Variants in STOX1 observed in about 807,000 individuals in gnomAD.
STOX1 encodes the protein storkhead-box protein 1.
A neutral mutation model predicts 74.8 loss-of-function variants in STOX1; 57 were observed. The observed-to-expected ratio is 0.76, with a 90% CI of 0.62 to 0.95. The LOEUF is 0.95. STOX1 is among the 40% of genes least tolerant of loss of function. STOX1 has a pLI of 0.00. For synonymous variants in STOX1, 375 were observed against 401.3 expected, an observed-to-expected ratio of 0.93 and a Z score of 0.78; for missense variants, 1,010 against 1,117.0, an observed-to-expected ratio of 0.90 and a Z score of 1.37.
chr10:68,894,383 A>G (rs1025991212), downstream of STOX1, among the ~76,000 whole-genome samples: 3 of 152,216 alleles, frequency 2.0e-5, no homozygotes, highest in African/African-American at 4.8e-5. Flanking sequence ...GACTCTCACC[A>G]TACTGACAAC....
chr10:68,894,758 C>T (rs543003549), downstream of STOX1, among the ~76,000 whole-genome samples: 5 of 152,274 alleles, frequency 3.3e-5, no homozygotes, highest in South Asian at 1.0e-3. Flanking sequence ...GAGACGGGGT[C>T]TCTGTCACTC....
rs1840949842 is a variant in STOX1, at chr10:68,886,199, A to C, written c.2403A>C (p.Lys801Asn). Residue 801 changes from lysine (K) to asparagine (N), a missense_variant, in exon 3 of 4, where the codon AAA becomes AAC. Physicochemically the swap from Lys to Asn is moderately conservative, Grantham distance 94. Transcript: ENST00000298596. ...TGCTTAAAAGAAATGAATGCTACAAACCCACTGGGCTGCATGCTACCCCAG... is the reference window on the plus strand; with the variant it reads ...TGCTTAAAAGAAATGAATGCTACAACCCCACTGGGCTGCATGCTACCCCAG... ...SQVLKRNECY[K>N]PTGLHATPGE... 1.2e-6 allele frequency: 2 copies of C among 1,614,164 alleles called. No homozygotes were observed. The highest frequency in any genetic ancestry group is 1.3e-5 in the African/African-American group (1 of 75,042).
downstream of STOX1, among the ~76,000 whole-genome samples, chr10:68,893,664 G>A (rs1312269400): frequency 5.3e-5 from 8 of 152,154 alleles, no homozygotes; most frequent in African/African-American, 1.9e-4. Context: ...TGATCCACCC[G>A]CCTCGGCCTC....
In STOX1 at chr10:68,847,512, C is replaced by T. The variant is rs771261925; in HGVS notation, c.310+19579C>T. ...GCAACCTCCGCCTCCCAGGTTCAAG[C>T]GTTTCTCCTACCTCAGGCTCTCAAG... is the stretch of plus-strand genomic sequence containing the variant. On this transcript the variant is annotated intron_variant, in intron 1 of 3. Coordinates refer to ENST00000298596, the MANE Select transcript of STOX1 (RefSeq NM_152709.5). Among the ~76,000 whole-genome samples, 123 of 150,114 alleles carry T rather than the reference C, an allele frequency of 8.2e-4. No individual in the cohort carries two copies. The Middle Eastern group carries it at 0.011, about 13-fold the overall frequency.
rs567926249 is a variant in STOX1, at chr10:68,829,385, C to T, written c.310+1452C>T. On this transcript the variant is annotated intron_variant, in intron 1 of 3. Transcript: ENST00000298596. Reference sequence around the variant, plus strand: ...ACAAAAATTAGCCGGGGCGTGGTGGCAGGTTCCTGTAATCCCAGATACTTG... The same window carrying T: ...ACAAAAATTAGCCGGGGCGTGGTGGTAGGTTCCTGTAATCCCAGATACTTG... 2.6e-5 allele frequency among the ~76,000 whole-genome samples: 4 copies of T among 152,184 alleles called. No homozygotes were observed. In the East Asian group the frequency reaches 5.8e-4, roughly 22 times the overall value.
At position 68,886,481 on chromosome 10, in the gene STOX1, AC is replaced by A; in HGVS notation, c.2686del (p.His896IlefsTer42). ...QSPQNQEMRKHFPQKFQLFNT... is the reference protein window; with the variant it reads ...QSPQNQEMRKXFPQKFQLFNT... ...GTCCTCAGAATCAGGAAATGAGAAAACATTTCCCACAAAAGTTCCAACTTTT... is the reference window on the plus strand; with the variant it reads ...GTCCTCAGAATCAGGAAATGAGAAAAATTTCCCACAAAAGTTCCAACTTTT... On this transcript the variant is annotated frameshift_variant, in exon 3 of 4. Transcript: ENST00000298596. LOFTEE classifies it high-confidence loss of function. The A allele has an allele frequency of 6.2e-7, 1 of 1,613,966 alleles. No homozygotes were observed. The highest frequency in any genetic ancestry group is 8.5e-7 in the Non-Finnish European group (1 of 1,179,950).
chr10:68,854,437 C>T (rs1306551646), intron 1 of STOX1, among the ~76,000 whole-genome samples: 1 of 152,018 alleles, frequency 6.6e-6, no homozygotes, highest in Non-Finnish European at 1.5e-5. Context: ...GCTGGGACTA[C>T]AGGTGCATGC....
chr10:68,850,261 G>A (rs1839951027), intron 1 of STOX1, among the ~76,000 whole-genome samples: 1 of 152,174 alleles, frequency 6.6e-6, no homozygotes, highest in Non-Finnish European at 1.5e-5. Context: ...GCCTGCCTCG[G>A]CCTCCCAAAG....
chr10:68,876,093 G>A (rs934380798), intron 1 of STOX1, among the ~76,000 whole-genome samples: 3 of 147,294 alleles, frequency 2.0e-5, no homozygotes, highest in Non-Finnish European at 4.5e-5. Flanking sequence ...GGTGAGGAGT[G>A]GGGGTTGCTT....
chr10:68,890,386 C>T (rs1460698862), intron 3 of STOX1, among the ~76,000 whole-genome samples: 2 of 152,008 alleles, frequency 1.3e-5, no homozygotes, highest in Admixed American at 1.3e-4. Context: ...TGGTCTCAAA[C>T]TCCTGGGCTC....
chr10:68,895,431 A>G (rs1841173400), downstream of STOX1: 1 of 152,196 alleles, frequency 6.6e-6, no homozygotes, highest in African/African-American at 2.4e-5. Flanking sequence ...TGTGCGATTA[A>G]ATTGTTTGGG....
intron 1 of STOX1, among the ~76,000 whole-genome samples, chr10:68,874,660 CAAAAAAAAA>C (rs545162403): frequency 0.23 from 29,769 of 126,682 alleles, 3,549 homozygotes; most frequent in East Asian, 0.53. Context: ...GACTCCGTCT[CAAAAAAAAA>C]AAAAAAAAAA....
chr10:68,843,660 C>T (rs554879348), intron 1 of STOX1, among the ~76,000 whole-genome samples: 2 of 152,156 alleles, frequency 1.3e-5, no homozygotes, highest in Non-Finnish European at 2.9e-5. Context: ...CGGGTTCAAG[C>T]GATTTTCCTA....
chr10:68,856,605 T>G (rs1840132425), intron 1 of STOX1, among the ~76,000 whole-genome samples: 1 of 152,032 alleles, frequency 6.6e-6, no homozygotes, highest in Non-Finnish European at 1.5e-5. Flanking sequence ...GAAGATCAGC[T>G]GGGGTAGGAA....
At chr10:68,855,542 G>A (rs1174668184) in intron 1 of STOX1, among the ~76,000 whole-genome samples, 4 of 151,724 alleles carry the variant, frequency 2.6e-5, no homozygotes, top group Admixed American at 6.6e-5. Flanking sequence ...CAGCTTAAGC[G>A]ATCCTCCCGC....
intron 1 of STOX1, among the ~76,000 whole-genome samples, chr10:68,842,635 G>C (rs1323781171): frequency 6.6e-6 from 1 of 150,928 alleles, no homozygotes; most frequent in African/African-American, 2.4e-5. Flanking sequence ...CCGCCTCCCG[G>C]GTTCAAGCAG....
At chr10:68,869,194 G>A (rs1840478117) in intron 1 of STOX1, among the ~76,000 whole-genome samples, 1 of 152,238 alleles carries the variant, frequency 6.6e-6, no homozygotes, top group Non-Finnish European at 1.5e-5. Context: ...ATGGCCTCAT[G>A]ATAGGTTAAG....
Position 68,892,784 on chromosome 10 carries a change from A to G in STOX1, c.*48A>G. 1 of 1,576,032 alleles carries G rather than the reference A, an allele frequency of 6.3e-7. No individual in the cohort carries two copies. Among genetic ancestry groups the G allele is most frequent in the Non-Finnish European group, 8.7e-7 (1 of 1,147,960 alleles). ...TTTCTTTATAAAAAGGTAGAGCATTATTACAGAATCTTTCAATCATGTAAG... is the reference window on the plus strand; with the variant it reads ...TTTCTTTATAAAAAGGTAGAGCATTGTTACAGAATCTTTCAATCATGTAAG... On this transcript the variant is annotated 3_prime_UTR_variant, in exon 4 of 4. Coordinates refer to ENST00000298596, the MANE Select transcript of STOX1 (RefSeq NM_152709.5).
intron 1 of STOX1, among the ~76,000 whole-genome samples, chr10:68,844,902 A>G (rs888660143): frequency 2.0e-5 from 3 of 151,790 alleles, no homozygotes; most frequent in Admixed American, 6.6e-5. Flanking sequence ...AGCTGAGACT[A>G]CAGGTGCACA....
Sources: allele counts gnomAD v4.1 joint callset (sites outside exome capture counted in the v4.1 genomes callset), GRCh38; gene constraint gnomAD v4.1.1; transcripts MANE v1.5; gene names NCBI Gene and HGNC (gene_info 2026-07-23, HGNC 2026-07-21).